The following NRP1 variants were observed in gnomAD, a reference collection of about 807,000 sequenced individuals.
NRP1 encodes neuropilin-1.
Under a neutral mutation model 106.7 loss-of-function variants are expected in NRP1, and 35 were observed. The ratio of observed to expected loss-of-function variants is 0.33; its 90% CI spans 0.25 to 0.43. The LOEUF (loss-of-function observed/expected upper bound fraction) is 0.43, where lower values mean the gene tolerates loss of function less well. Ranked by LOEUF, NRP1 falls within the 20% of genes least tolerant of loss-of-function variation. The pLI is 1.00. For missense variants in NRP1, 1,024 were observed against 1,170.4 expected, an observed-to-expected ratio of 0.87 and a Z score of 1.83; for synonymous variants, 437 against 417.9, an observed-to-expected ratio of 1.05 and a Z score of -0.56.
chr10:33,285,334 GA>G (rs1455560806), intron 2 of NRP1, among the ~76,000 whole-genome samples: 1 of 152,130 alleles, frequency 6.6e-6, no homozygotes, highest in Non-Finnish European at 1.5e-5. Flanking sequence ...TTTATAGATG[GA>G]AAAACTGGAG....
chr10:33,292,730 G>A lies in NRP1; in HGVS notation c.249-21874C>T, dbSNP rs575368781. Among the ~76,000 whole-genome samples, 148 of 152,318 alleles carry A rather than the reference G, an allele frequency of 9.7e-4. 1 individual carries two copies. Among genetic ancestry groups the A allele is most frequent in the African/African-American group, 3.0e-3 (126 of 41,572 alleles). ...CTGCCAACGACGGTGGCTCATGCCT[G>A]TAATCCCAGCACTTTGGGAGGCCGA... On this transcript the variant is annotated intron_variant, in intron 2 of 16. Transcript: ENST00000374867.
At chr10:33,326,722 T>G (rs1847913687) in intron 2 of NRP1, among the ~76,000 whole-genome samples, 1 of 152,174 alleles carries the variant, frequency 6.6e-6, no homozygotes, top group Non-Finnish European at 1.5e-5. Flanking sequence ...ACACAGAATG[T>G]TGCATGTTAA....
rs1838507588 is a variant in NRP1 at position 33,213,603 on chromosome 10, G to A, written c.1397C>T (p.Thr466Ile). ...NWMPENIRLV[T>I]SRSGWALPPA... Reference sequence around the variant, plus strand: ...TGGAAGTGCCCAGCCAGAGCGACTGGTTACCAGGCGGATGTTTTCAGGCAT... The same window carrying A: ...TGGAAGTGCCCAGCCAGAGCGACTGATTACCAGGCGGATGTTTTCAGGCAT... Residue 466 changes from threonine to isoleucine, a missense_variant, in exon 9 of 17, where the codon ACC becomes ATC. Coordinates refer to ENST00000374867, the MANE Select transcript of NRP1 (RefSeq NM_003873.7). The A allele has an allele frequency of 1.9e-6, 3 of 1,614,050 alleles. No homozygotes were observed. Among genetic ancestry groups the A allele is most frequent in the Non-Finnish European group, 2.5e-6 (3 of 1,180,028 alleles).
intron 13 of NRP1, among the ~76,000 whole-genome samples, chr10:33,188,744 G>T (rs747338891): frequency 6.6e-6 from 1 of 151,244 alleles, no homozygotes; most frequent in Non-Finnish European, 1.5e-5. Context: ...GGGCGTGGTG[G>T]CGGGCATCTG....
At chr10:33,284,347 A>G (rs1844358094) in intron 2 of NRP1, among the ~76,000 whole-genome samples, 1 of 152,222 alleles carries the variant, frequency 6.6e-6, no homozygotes, top group Non-Finnish European at 1.5e-5. Context: ...AAAATTTATT[A>G]AGAGGATTGA....
chr10:33,274,848 G>C (rs1373409829), intron 2 of NRP1, among the ~76,000 whole-genome samples: 1 of 152,170 alleles, frequency 6.6e-6, no homozygotes, highest in Non-Finnish European at 1.5e-5. Flanking sequence ...ATAAGCTGGA[G>C]TGAGAAATGA....
At chr10:33,294,694 A>C (rs936346191) in intron 2 of NRP1, among the ~76,000 whole-genome samples, 24 of 152,138 alleles carry the variant, frequency 1.6e-4, no homozygotes, top group African/African-American at 5.6e-4. Flanking sequence ...AAGTATCTCA[A>C]AGTTAATGAG....
At chr10:33,332,714 G>A (rs752206903) in intron 1 of NRP1, among the ~76,000 whole-genome samples, 24 of 152,182 alleles carry the variant, frequency 1.6e-4, no homozygotes, top group Non-Finnish European at 2.9e-4. Flanking sequence ...GCAGACACTG[G>A]TTACTCAGAG....
At chr10:33,233,843 A>T (rs1424191129) in intron 6 of NRP1, among the ~76,000 whole-genome samples, 2 of 152,192 alleles carry the variant, frequency 1.3e-5, no homozygotes, top group Non-Finnish European at 2.9e-5. Flanking sequence ...ACTACAAGCT[A>T]AAGAAAATAT....
At chr10:33,280,007 G>T (rs1952983) in intron 2 of NRP1, among the ~76,000 whole-genome samples, 62,632 of 151,982 alleles carry the variant, frequency 0.41, 14,877 homozygotes, top group South Asian at 0.56. Flanking sequence ...AAAACCAGAA[G>T]CTCCAAGATT....
chr10:33,254,851 A>G (rs1842093531), intron 5 of NRP1, among the ~76,000 whole-genome samples: 1 of 152,266 alleles, frequency 6.6e-6, no homozygotes, highest in African/African-American at 2.4e-5. Context: ...CATAATGCTC[A>G]CAACAGTGAG....
chr10:33,251,896 G>C (rs553582006), intron 6 of NRP1, among the ~76,000 whole-genome samples: 1 of 152,066 alleles, frequency 6.6e-6, no homozygotes, highest in Non-Finnish European at 1.5e-5. Context: ...GGTACAGAAG[G>C]GGGAAGGGAA....
At chr10:33,232,923 C>T (rs931390634) in intron 6 of NRP1, among the ~76,000 whole-genome samples, 1 of 152,102 alleles carries the variant, frequency 6.6e-6, no homozygotes, top group African/African-American at 2.4e-5. Flanking sequence ...GCTGGGATTA[C>T]AGGCATGAGC....
chr10:33,243,933 T>TTG (rs112554908), intron 6 of NRP1, among the ~76,000 whole-genome samples: 39,741 of 141,130 alleles, frequency 0.28, 6,146 homozygotes, highest in African/African-American at 0.44. Flanking sequence ...GGGTAGAGGT[T>TTG]TGTGTGTGTG....
intron 8 of NRP1, among the ~76,000 whole-genome samples, chr10:33,217,377 TAAA>T (rs10711237): frequency 6.8e-6 from 1 of 146,390 alleles, no homozygotes; most frequent in Admixed American, 6.8e-5. Context: ...GCTGCCTCAT[TAAA>T]AAAAAAAAAA....
chr10:33,283,570 A>G (rs1439949857), intron 2 of NRP1, among the ~76,000 whole-genome samples: 1 of 152,240 alleles, frequency 6.6e-6, no homozygotes, highest in Non-Finnish European at 1.5e-5. Context: ...ATGTGAAAAT[A>G]AAAGATTCAG....
intron 6 of NRP1, among the ~76,000 whole-genome samples, chr10:33,251,307 C>G (rs1378621836): frequency 6.6e-6 from 1 of 152,192 alleles, no homozygotes; most frequent in Non-Finnish European, 1.5e-5. Context: ...AAGTTTCCTC[C>G]CCAGTCATGC....
chr10:33,191,433 A>C (rs1285911103), intron 13 of NRP1, among the ~76,000 whole-genome samples: 1 of 151,768 alleles, frequency 6.6e-6, no homozygotes, highest in African/African-American at 2.4e-5. Context: ...GTCTTTCCCC[A>C]CCTCCCCTTC....
chr10:33,202,532 A>G (rs1383813617), intron 11 of NRP1: 3 of 1,296,996 alleles, frequency 2.3e-6, no homozygotes, highest in Non-Finnish European at 2.0e-6. Context: ...AACATTCTGA[A>G]GTGTGTGGTT....
Sources: allele counts gnomAD v4.1 joint callset (sites outside exome capture counted in the v4.1 genomes callset), GRCh38; gene constraint gnomAD v4.1.1; transcripts MANE v1.5; gene names NCBI Gene and HGNC (gene_info 2026-07-23, HGNC 2026-07-21).